The following NETO1 variants were observed in gnomAD, a reference collection of about 807,000 sequenced individuals.
NETO1 encodes neuropilin and tolloid like 1.
A neutral mutation model predicts 61.3 loss-of-function variants in NETO1; 26 were observed. The observed-to-expected ratio is 0.42, with a 90% CI of 0.31 to 0.59. The LOEUF (loss-of-function observed/expected upper bound fraction) is 0.59. NETO1 is among the 20% of genes least tolerant of loss of function. The pLI is 0.12. For synonymous variants in NETO1, 225 were observed against 225.8 expected (o/e 1.00, Z 0.03); for missense variants, 531 against 662.8 (o/e 0.80, Z 2.18).
rs1405835209 is a variant in NETO1, at chr18:72,746,778, A to G, written c.*1401T>C. ...AATGTTGGGAAGCATATATACTGAT[A>G]GTAATTCTTATTTTAAAAATTTATT... On this transcript the variant is annotated 3_prime_UTR_variant, in exon 11 of 11. Coordinates refer to ENST00000327305, the MANE Select transcript of NETO1 (RefSeq NM_138966.5). 6.6e-6 allele frequency among the ~76,000 whole-genome samples: 1 copy of G among 152,022 alleles called. No homozygotes were observed. Among genetic ancestry groups the G allele is most frequent in the South Asian group, 2.1e-4 (1 of 4,834 alleles).
intron 4 of NETO1, among the ~76,000 whole-genome samples, chr18:72,795,568 T>G (rs545203838): frequency 1.6e-4 from 25 of 152,338 alleles, no homozygotes; most frequent in African/African-American, 6.0e-4. Context: ...AGTTACATTC[T>G]TGGAGTTGCA....
chr18:72,846,898 C>A (rs996094440), intron 4 of NETO1, among the ~76,000 whole-genome samples: 2 of 152,226 alleles, frequency 1.3e-5, no homozygotes, highest in Non-Finnish European at 2.9e-5. Flanking sequence ...CAGCCACTGA[C>A]CATTCCACAA....
intron 7 of NETO1, among the ~76,000 whole-genome samples, chr18:72,772,315 G>A (rs1416869124): frequency 6.6e-6 from 1 of 152,038 alleles, no homozygotes; most frequent in Non-Finnish European, 1.5e-5. Flanking sequence ...TGAACTGATT[G>A]GGGACTGTGA....
intron 4 of NETO1, among the ~76,000 whole-genome samples, chr18:72,828,521 A>G (rs1388250447): frequency 6.6e-6 from 1 of 152,240 alleles, no homozygotes; most frequent in African/African-American, 2.4e-5. Context: ...TTCAAAGTGA[A>G]ATTTTCAATA....
intron 8 of NETO1, among the ~76,000 whole-genome samples, chr18:72,753,306 A>G (rs933234914): frequency 6.6e-6 from 1 of 152,166 alleles, no homozygotes; most frequent in Admixed American, 6.5e-5. Context: ...CAATCAAATT[A>G]ACACCTGAGT....
chr18:72,835,416 C>G (rs1413659822), intron 4 of NETO1: 4 of 931,682 alleles, frequency 4.3e-6, no homozygotes, highest in Non-Finnish European at 6.5e-6. Flanking sequence ...TTGGGTAATA[C>G]AGGAGGAGCA....
chr18:72,808,026 G>T (rs1357149606), intron 4 of NETO1, among the ~76,000 whole-genome samples: 5 of 152,156 alleles, frequency 3.3e-5, no homozygotes, highest in African/African-American at 9.7e-5. Context: ...GGCATTTCTT[G>T]TTGGCAGAAA....
At chr18:72,853,944 G>A (rs913020509) in intron 4 of NETO1, among the ~76,000 whole-genome samples, 3 of 151,832 alleles carry the variant, frequency 2.0e-5, no homozygotes, top group South Asian at 2.1e-4. Flanking sequence ...CTTTCGAAAT[G>A]GTTAATACAT....
chr18:72,815,697 C>T (rs536975619), intron 4 of NETO1, among the ~76,000 whole-genome samples: 4 of 152,302 alleles, frequency 2.6e-5, no homozygotes, highest in African/African-American at 9.6e-5. Context: ...CTGTCCGCTG[C>T]TGACACTAGT....
chr18:72,776,752 A>G (rs1479486228), intron 7 of NETO1, among the ~76,000 whole-genome samples: 1 of 152,190 alleles, frequency 6.6e-6, no homozygotes, highest in Non-Finnish European at 1.5e-5. Flanking sequence ...CGGTAGGTGC[A>G]GATCTCACCA....
chr18:72,774,708 A>C (rs1599145199), intron 7 of NETO1, among the ~76,000 whole-genome samples: 1 of 152,302 alleles, frequency 6.6e-6, no homozygotes, highest in Non-Finnish European at 1.5e-5. Context: ...AATTGTTTTT[A>C]CTGTTAGCCT....
chr18:72,867,533 G>T lies in NETO1; in HGVS notation c.-242C>A. On this transcript the variant is annotated 5_prime_UTR_variant, in exon 1 of 11. Transcript: ENST00000327305. ...CTCGCTCTCGCTGGCCCTCAGCGCC[G>T]CGCAGCCAGCAGCATCCCCACCGTG... 2.6e-6 allele frequency: 1 copy of T among 380,072 alleles called. No homozygotes were observed. Among genetic ancestry groups the T allele is most frequent in the Non-Finnish European group, 4.7e-6 (1 of 214,356 alleles). The allele number at this position is 380,072 out of a possible 1,614,324, so 23.5% of individuals were successfully genotyped here.
intron 4 of NETO1, among the ~76,000 whole-genome samples, chr18:72,817,387 G>C (rs541849776): frequency 6.6e-6 from 1 of 152,158 alleles, no homozygotes; most frequent in African/African-American, 2.4e-5. Context: ...TGAGAGCATC[G>C]GCCCCGCAGC....
At chr18:72,806,282 G>C (rs1383735474) in intron 4 of NETO1, among the ~76,000 whole-genome samples, 1 of 151,984 alleles carries the variant, frequency 6.6e-6, no homozygotes, top group East Asian at 1.9e-4. Context: ...AAACAATCAG[G>C]GACAATGTTT....
chr18:72,840,718 G>A (rs1404395477), intron 4 of NETO1, among the ~76,000 whole-genome samples: 1 of 152,256 alleles, frequency 6.6e-6, no homozygotes, highest in African/African-American at 2.4e-5. Flanking sequence ...AAAGATTGTG[G>A]CTAACTGAAG....
intron 7 of NETO1, among the ~76,000 whole-genome samples, chr18:72,773,527 A>T (rs12607873): frequency 0.3 from 45,620 of 151,972 alleles, 8,002 homozygotes; most frequent in South Asian, 0.48. Context: ...TTGAATTGTA[A>T]TAATCCCCAG....
intron 8 of NETO1, among the ~76,000 whole-genome samples, chr18:72,752,445 C>A (rs930738050): frequency 1.2e-4 from 18 of 152,114 alleles, no homozygotes; most frequent in Non-Finnish European, 2.4e-4. Context: ...AAGTCCAAGG[C>A]GGTGGCCTCT....
In NETO1 at chr18:72,864,343, CT is replaced by C. The variant is rs2074670005; in HGVS notation, c.220+464del. On this transcript the variant is annotated intron_variant, in intron 3 of 10. Coordinates refer to ENST00000327305, the MANE Select transcript of NETO1 (RefSeq NM_138966.5). ...TTGTTAACACAAATAAGGTAACTAT[CT>C]TTCAGATTGGTGTTTAGAAAATGTG... 1.3e-5 allele frequency among the ~76,000 whole-genome samples: 2 copies of C among 152,174 alleles called. 1 individual carries two copies. The highest frequency in any genetic ancestry group is 4.1e-4 in the South Asian group (2 of 4,830).
chr18:72,841,166 T>C (rs989625396), intron 4 of NETO1, among the ~76,000 whole-genome samples: 1 of 152,188 alleles, frequency 6.6e-6, no homozygotes, highest in East Asian at 1.9e-4. Flanking sequence ...TTAGGAAATG[T>C]GTTTTTTGGT....
Sources: allele counts gnomAD v4.1 joint callset (sites outside exome capture counted in the v4.1 genomes callset), GRCh38; gene constraint gnomAD v4.1.1; transcripts MANE v1.5; gene names NCBI Gene and HGNC (gene_info 2026-07-23, HGNC 2026-07-21).